Variants in GNA14 observed in about 807,000 individuals in gnomAD.
GNA14 encodes G protein subunit alpha 14.
In GNA14, 50 loss-of-function variants were observed where a neutral mutation model predicts 42.0. The observed-to-expected ratio is 1.19, with a 90% confidence interval of 0.95 to 1.51. The LOEUF is 1.51. Among genes scored for constraint, GNA14 ranks in the 40% most tolerant of loss-of-function variants. GNA14 has a pLI of 0.00. For synonymous variants in GNA14, 173 were observed against 163.1 expected, an observed-to-expected ratio of 1.06 and a Z score of -0.46; for missense variants, 473 against 446.2, an observed-to-expected ratio of 1.06 and a Z score of -0.54.
chr9:77,625,366 G>C (rs1369660096), intron 1 of GNA14, among the ~76,000 whole-genome samples: 1 of 152,036 alleles, frequency 6.6e-6, no homozygotes. Context: ...TAGCAAGACA[G>C]GCCAACATTC....
At chr9:77,558,569 A>G (rs907497308) in intron 1 of GNA14, among the ~76,000 whole-genome samples, 8 of 152,206 alleles carry the variant, frequency 5.3e-5, no homozygotes, top group Non-Finnish European at 8.8e-5. Flanking sequence ...CGGGGCTCCC[A>G]GATCGTACAT....
At chr9:77,632,222 G>A in intron 1 of GNA14, among the ~76,000 whole-genome samples, 1 of 152,202 alleles carries the variant, frequency 6.6e-6, no homozygotes, top group South Asian at 2.1e-4. Flanking sequence ...GGGGGGCACT[G>A]AGGGAAGCTT....
chr9:77,621,432 G>A (rs1418978730), intron 1 of GNA14, among the ~76,000 whole-genome samples: 1 of 152,184 alleles, frequency 6.6e-6, no homozygotes, highest in Non-Finnish European at 1.5e-5. Context: ...CTGGTGGTGT[G>A]TATGGGTAAG....
At chr9:77,495,087 A>C (rs564202070) in intron 2 of GNA14, among the ~76,000 whole-genome samples, 123 of 152,318 alleles carry the variant, frequency 8.1e-4, no homozygotes, top group African/African-American at 2.9e-3. Flanking sequence ...GGCATGAGCC[A>C]CCATGCCTGG....
chr9:77,432,883 G>A (rs1031601395), intron 3 of GNA14, among the ~76,000 whole-genome samples: 3 of 152,276 alleles, frequency 2.0e-5, no homozygotes, highest in Non-Finnish European at 2.9e-5. Context: ...CGTCGTACCT[G>A]TTCCTGGCTC....
intron 2 of GNA14, among the ~76,000 whole-genome samples, chr9:77,492,036 A>G (rs921402891): frequency 1.3e-5 from 2 of 152,228 alleles, no homozygotes; most frequent in Non-Finnish European, 2.9e-5. Context: ...TTTGGATATT[A>G]AACAATACGC....
At chr9:77,535,474 G>C (rs1837583349) in intron 1 of GNA14, among the ~76,000 whole-genome samples, 1 of 152,142 alleles carries the variant, frequency 6.6e-6, no homozygotes, top group Non-Finnish European at 1.5e-5. Flanking sequence ...AACCCGGGAG[G>C]CAGAGGTTGC....
chr9:77,592,377 TAA>T (rs1172262861), intron 1 of GNA14, among the ~76,000 whole-genome samples: 1 of 152,206 alleles, frequency 6.6e-6, no homozygotes, highest in Non-Finnish European at 1.5e-5. Context: ...TAACTTGCTC[TAA>T]GAGATAAGGC....
At chr9:77,502,160 C>A (rs1009021361) in intron 2 of GNA14, among the ~76,000 whole-genome samples, 4 of 151,976 alleles carry the variant, frequency 2.6e-5, no homozygotes, top group African/African-American at 9.7e-5. Flanking sequence ...TGTCTTATTT[C>A]TTTGTTGAGA....
intron 2 of GNA14, among the ~76,000 whole-genome samples, chr9:77,474,444 C>A (rs529080897): frequency 6.6e-6 from 1 of 152,070 alleles, no homozygotes; most frequent in African/African-American, 2.4e-5. Context: ...ATCAAAACCA[C>A]AAAGCGATAC....
At chr9:77,426,107 C>A (rs1403183167) in intron 5 of GNA14, among the ~76,000 whole-genome samples, 1 of 152,142 alleles carries the variant, frequency 6.6e-6, no homozygotes, top group Non-Finnish European at 1.5e-5. Flanking sequence ...CCTGACACGG[C>A]CACCTCAGTT....
At chr9:77,504,324 T>C (rs1837024790) in intron 2 of GNA14, among the ~76,000 whole-genome samples, 1 of 152,132 alleles carries the variant, frequency 6.6e-6, no homozygotes, top group South Asian at 2.1e-4. Context: ...GATCTTCATT[T>C]CACAAGACCT....
chr9:77,512,477 T>C (rs1837187509), intron 2 of GNA14, among the ~76,000 whole-genome samples: 1 of 152,174 alleles, frequency 6.6e-6, no homozygotes, highest in Non-Finnish European at 1.5e-5. Context: ...ATAATCTCTA[T>C]CCACATTTTA....
chr9:77,567,739 C>T (rs1426471647), intron 1 of GNA14, among the ~76,000 whole-genome samples: 10 of 152,070 alleles, frequency 6.6e-5, no homozygotes, highest in African/African-American at 1.9e-4. Flanking sequence ...TGGTGGTGCA[C>T]GCCTGTAGTC....
intron 1 of GNA14, among the ~76,000 whole-genome samples, chr9:77,640,871 CAAAAAAAAAA>C (rs1178043976): frequency 3.7e-5 from 1 of 27,370 alleles, no homozygotes; most frequent in African/African-American, 1.2e-4. Flanking sequence ...ATAAAATGCT[CAAAAAAAAAA>C]AAAAAAAAAA....
chr9:77,556,351 T>C (rs1822781772), intron 1 of GNA14, among the ~76,000 whole-genome samples: 1 of 151,992 alleles, frequency 6.6e-6, no homozygotes, highest in Non-Finnish European at 1.5e-5. Flanking sequence ...AGGTAGATGC[T>C]AATGGGGTGG....
intron 2 of GNA14, among the ~76,000 whole-genome samples, chr9:77,459,344 T>C (rs1332538085): frequency 2.6e-5 from 4 of 152,172 alleles, no homozygotes; most frequent in Admixed American, 6.5e-5. Context: ...TACTGTAAGA[T>C]TGCCTGCAGC....
At chr9:77,436,136 T>G (rs1228152513) in intron 2 of GNA14, among the ~76,000 whole-genome samples, 1 of 152,224 alleles carries the variant, frequency 6.6e-6, no homozygotes, top group African/African-American at 2.4e-5. Context: ...TGAATCGATG[T>G]GACTTTTCCC....
chr9:77,530,796 G>T (rs1018955802), intron 1 of GNA14, among the ~76,000 whole-genome samples: 2 of 152,210 alleles, frequency 1.3e-5, no homozygotes, highest in African/African-American at 4.8e-5. Flanking sequence ...CCCAGATGGG[G>T]GAGTGTCCTC....
Sources: gnomAD v4.1 joint callset for allele counts (sites outside exome capture counted in the v4.1 genomes callset) on GRCh38, gnomAD v4.1.1 for gene constraint, MANE v1.5 for transcripts, NCBI Gene and HGNC (gene_info 2026-07-23, HGNC 2026-07-21) for gene names.